STAM2: variants seen among roughly 807,000 people sequenced by gnomAD.
The protein encoded by STAM2 is signal transducing adapter molecule 2.
In STAM2, 51 loss-of-function variants were observed where a neutral mutation model predicts 65.6. The ratio of observed to expected loss-of-function variants is 0.78; its 90% CI spans 0.62 to 0.98. The LOEUF (loss-of-function observed/expected upper bound fraction) is 0.98. Among genes scored for constraint, STAM2 ranks in the 50% least tolerant of loss-of-function variants. The pLI is 0.00. For missense variants in STAM2, 584 were observed against 617.8 expected, an observed-to-expected ratio of 0.95 and a Z score of 0.58; for synonymous variants, 198 against 208.4, an observed-to-expected ratio of 0.95 and a Z score of 0.43.
chr2:152,126,277 C>T lies in STAM2; in HGVS notation c.1128G>A (p.Lys376=). 6.2e-7 allele frequency: 1 copy of T among 1,611,696 alleles called. No homozygotes were observed. ...NEAPVYSVYS[K]LHPPAHYPPA... Reference sequence around the variant, plus strand: ...GTGGGTAATGTGCTGGAGGGTGGAGCTTTGAATAGACTGAGTACACTGGTG... The same window carrying T: ...GTGGGTAATGTGCTGGAGGGTGGAGTTTTGAATAGACTGAGTACACTGGTG... The change falls in exon 12 of 14, where the codon AAG becomes AAA. Residue 376 remains lysine (K), a synonymous_variant. Transcript: ENST00000263904.
intron 5 of STAM2, among the ~76,000 whole-genome samples, chr2:152,145,227 C>T (rs186491970): frequency 1.1e-4 from 16 of 152,202 alleles, no homozygotes; most frequent in Non-Finnish European, 2.1e-4. Flanking sequence ...TATGCATCCA[C>T]AACCGGCTAA....
At chr2:152,121,184 G>A (rs1031274293) in intron 13 of STAM2, among the ~76,000 whole-genome samples, 4 of 152,124 alleles carry the variant, frequency 2.6e-5, no homozygotes, top group African/African-American at 9.7e-5. Context: ...ATGTTGCCCA[G>A]GATGGTCTCA....
At chr2:152,122,605 T>TATATGAATATATATA (rs1184707494) in intron 13 of STAM2, among the ~76,000 whole-genome samples, 1 of 152,166 alleles carries the variant, frequency 6.6e-6, no homozygotes, top group African/African-American at 2.4e-5. Context: ...TTATTTAATA[T>TATATGAATATATATA]TCATATAATA....
chr2:152,147,162 C>G lies in STAM2; in HGVS notation c.447G>C (p.Gln149His). 1 of 1,604,808 alleles carries G rather than the reference C, an allele frequency of 6.2e-7. No homozygotes were observed. The highest frequency in any genetic ancestry group is 1.3e-5 in the African/African-American group (1 of 74,470). ...CCATGGGTCTGAATAAATCTCTCAC[C>G]TGAGAACCTGCTGGAGGAAAAGTAA... Reference protein sequence around the residue: ...EGITFPPAGSQTVSAAAKNGT... With the variant: ...EGITFPPAGSHTVSAAAKNGT... The change falls in exon 5 of 14, where the codon CAG becomes CAC. Residue 149 changes from glutamine (Q) to histidine (H), a missense_variant and splice_region_variant. Gln to His is a conservative substitution (Grantham distance 24). Coordinates refer to ENST00000263904, the MANE Select transcript of STAM2 (RefSeq NM_005843.6).
intron 11 of STAM2, among the ~76,000 whole-genome samples, chr2:152,127,710 A>C (rs1206550870): frequency 6.6e-6 from 1 of 152,224 alleles, no homozygotes. Flanking sequence ...TTGAGAAAGT[A>C]AACCAATGCT....
At chr2:152,138,704 T>C (rs1460841458) in intron 7 of STAM2, among the ~76,000 whole-genome samples, 2 of 152,178 alleles carry the variant, frequency 1.3e-5, no homozygotes, top group African/African-American at 4.8e-5. Flanking sequence ...AGCCAGAAAA[T>C]AACTGATGTA....
At chr2:152,152,643 C>G (rs963887265) in intron 1 of STAM2, among the ~76,000 whole-genome samples, 2 of 152,122 alleles carry the variant, frequency 1.3e-5, no homozygotes, top group African/African-American at 4.8e-5. Flanking sequence ...GGACATTACG[C>G]CTTCATTGTC....
chr2:152,136,958 G>A (rs565716638), intron 7 of STAM2, among the ~76,000 whole-genome samples: 11 of 146,512 alleles, frequency 7.5e-5, no homozygotes, highest in Non-Finnish European at 1.2e-4. Flanking sequence ...GCAGTGGCAC[G>A]ATCTTGGCTC....
At chr2:152,148,480 G>A (rs1376719334) in intron 2 of STAM2, among the ~76,000 whole-genome samples, 180 bp from the exon 3 acceptor site, 4 of 152,082 alleles carry the variant, frequency 2.6e-5, no homozygotes, top group Non-Finnish European at 5.9e-5. Flanking sequence ...GACCAGCCTG[G>A]AAAACAAAGT....
chr2:152,137,039 T>C (rs1025961645), intron 7 of STAM2, among the ~76,000 whole-genome samples: 1 of 151,862 alleles, frequency 6.6e-6, no homozygotes, highest in Non-Finnish European at 1.5e-5. Context: ...GGACTACAGG[T>C]ATGCACCACC....
chr2:152,175,714 G>A lies in STAM2; in HGVS notation c.-72C>T. The A allele has an allele frequency of 2.0e-6, 3 of 1,528,396 alleles. No homozygotes were observed. The highest frequency in any genetic ancestry group is 2.7e-6 in the Non-Finnish European group (3 of 1,126,010). 94.7% of individuals were successfully genotyped at this position (1,528,396 alleles called of 1,614,324 possible). ...GCAACTGCTACCCGCCGGGTGACCC[G>A]CGGCCGCGGCTCCCTAGACCGCTCC... On this transcript the variant is annotated 5_prime_UTR_variant, in exon 1 of 14. Transcript: ENST00000263904.
At chr2:152,174,481 T>C (rs1252429697) in intron 1 of STAM2, among the ~76,000 whole-genome samples, 1 of 152,190 alleles carries the variant, frequency 6.6e-6, no homozygotes, top group East Asian at 1.9e-4. Flanking sequence ...ACTATTTACA[T>C]ATATTATTTG....
At position 152,148,105 on chromosome 2, in the gene STAM2, C is replaced by A; in HGVS notation, c.219G>T (p.Val73=). Residue 73 remains valine (V), a synonymous_variant, in exon 4 of 14, where the codon GTG becomes GTT. Transcript: ENST00000263904. ...AATGAAATATCTTTCCACAGTTTGCCACACAAGCCCCAAGAAGCTATTAAT... is the reference window on the plus strand; with the variant it reads ...AATGAAATATCTTTCCACAGTTTGCAACACAAGCCCCAAGAAGCTATTAAT... ...LQALTLLGAC[V]ANCGKIFHLE... 1 of 1,608,800 alleles carries A rather than the reference C, an allele frequency of 6.2e-7. No homozygotes were observed. The highest frequency in any genetic ancestry group is 8.5e-7 in the Non-Finnish European group (1 of 1,177,702).
intron 6 of STAM2, 55 bp downstream of exon 6, chr2:152,144,833 A>C (rs1689309784): frequency 1.3e-6 from 2 of 1,513,304 alleles, no homozygotes; most frequent in African/African-American, 2.8e-5. Flanking sequence ...CACCGCGCCC[A>C]GCCCTGGCAA....
At chr2:152,172,886 A>G (rs2105573777) in intron 1 of STAM2, among the ~76,000 whole-genome samples, 1 of 152,004 alleles carries the variant, frequency 6.6e-6, no homozygotes, top group African/African-American at 2.4e-5. Flanking sequence ...AAGAAAAAGA[A>G]AAAAGAAAAG....
chr2:152,145,869 A>AG (rs2105547099), intron 5 of STAM2, among the ~76,000 whole-genome samples: 1 of 152,366 alleles, frequency 6.6e-6, no homozygotes, highest in South Asian at 2.1e-4. Flanking sequence ...TAGATTTTTC[A>AG]GAAAAATATG....
chr2:152,159,729 C>A (rs928233004), intron 1 of STAM2, among the ~76,000 whole-genome samples: 1 of 152,014 alleles, frequency 6.6e-6, no homozygotes, highest in African/African-American at 2.4e-5. Flanking sequence ...CTCTCCCTCT[C>A]CCCACAGTCT....
intron 8 of STAM2, among the ~76,000 whole-genome samples, chr2:152,133,942 C>A (rs1689108602): frequency 6.6e-6 from 1 of 152,054 alleles, no homozygotes; most frequent in Admixed American, 6.6e-5. Context: ...CTCTTCCCTT[C>A]TATTTAAAAA....
chr2:152,125,445 C>T (rs568183775), intron 12 of STAM2, among the ~76,000 whole-genome samples: 1 of 152,280 alleles, frequency 6.6e-6, no homozygotes, highest in South Asian at 2.1e-4. Flanking sequence ...TACCAGTTTT[C>T]ATAAATTAAC....
Sources: allele counts gnomAD v4.1 joint callset (sites outside exome capture counted in the v4.1 genomes callset), GRCh38; gene constraint gnomAD v4.1.1; transcripts MANE v1.5; gene names NCBI Gene and HGNC (gene_info 2026-07-23, HGNC 2026-07-21).